Variants in LVRN observed in about 807,000 individuals in gnomAD.
LVRN encodes the protein aminopeptidase Q.
LVRN carries 99 observed loss-of-function variants against 111.4 expected under a neutral mutation model. That is an observed-to-expected ratio of 0.89 (90% CI 0.76 to 1.05). The LOEUF is 1.05. Among genes scored for constraint, LVRN ranks in the 50% least tolerant of loss-of-function variants. LVRN has a pLI of 0.00. For missense variants in LVRN, 1,414 were observed against 1,206.8 expected (o/e 1.17, Z -2.54); for synonymous variants, 488 against 449.5 (o/e 1.09, Z -1.08).
chr5:115,984,886 C>T (rs1217792474), intron 3 of LVRN, among the ~76,000 whole-genome samples, 177 bp downstream of exon 3: 1 of 152,226 alleles, frequency 6.6e-6, no homozygotes, highest in Non-Finnish European at 1.5e-5. Flanking sequence ...ACATTTCCTA[C>T]TGCCATTCTT....
chr5:116,026,202 G>GA lies in LVRN; in HGVS notation c.*88dup. 2 of 1,545,252 alleles carry GA rather than the reference G, an allele frequency of 1.3e-6. No individual in the cohort carries two copies. The highest frequency in any genetic ancestry group is 1.8e-6 in the Non-Finnish European group (2 of 1,132,910). On this transcript the variant is annotated 3_prime_UTR_variant, in exon 20 of 20. Coordinates refer to ENST00000357872, the MANE Select transcript of LVRN (RefSeq NM_173800.5). ...TGTCTTCCAATACTTTGTGAGTCTG[G>GA]AAAACCACACATTTTATTTGTATTT...
At chr5:116,025,949 A>G (rs956545549) in intron 19 of LVRN, 29 bp from the exon 20 acceptor site, 1 of 1,612,292 alleles carries the variant, frequency 6.2e-7, no homozygotes, top group Non-Finnish European at 8.5e-7. Context: ...GTTGGATTGC[A>G]CTGATCATCT....
intron 4 of LVRN, among the ~76,000 whole-genome samples, chr5:115,990,021 C>T (rs1272858464): frequency 6.6e-6 from 1 of 152,182 alleles, no homozygotes; most frequent in Non-Finnish European, 1.5e-5. Context: ...TGGTTTATTT[C>T]TCCTGTGTTG....
In LVRN at chr5:116,017,455, C is replaced by G. The variant is rs553115925; in HGVS notation, c.2756+1690C>G. Among the ~76,000 whole-genome samples, 403 of 152,290 alleles carry G rather than the reference C, an allele frequency of 2.6e-3. 1 individual carries two copies. The highest frequency in any genetic ancestry group is 9.3e-3 in the African/African-American group (386 of 41,564). On this transcript the variant is annotated intron_variant, in intron 18 of 19. Transcript: ENST00000357872. ...TCTAGAATCGGGGCATGGGGATAGA[C>G]TTAACTAGAGCAGTGTAGCAAAGTG...
intron 6 of LVRN, 110 bp downstream of exon 6, chr5:115,993,964 T>C (rs1748051804): frequency 1.8e-6 from 1 of 554,366 alleles, no homozygotes; most frequent in Non-Finnish European, 2.9e-6. Flanking sequence ...AATAATAAAT[T>C]ACCTATAATA....
intron 4 of LVRN, 90 bp from the exon 5 acceptor site, chr5:115,992,033 G>T: frequency 1.6e-6 from 2 of 1,281,608 alleles, no homozygotes; most frequent in South Asian, 1.5e-5. Context: ...GAATTTTTTG[G>T]TAATTTTATG....
rs559827738 is a variant in LVRN, at chr5:116,025,236, A to G, written c.2833-742A>G. On this transcript the variant is annotated intron_variant, in intron 19 of 19. Transcript: ENST00000357872. ...AAAACATTTCTTTTACATTGTAATT[A>G]GGCTTGATAGCACTATTACTGTGCA... Among the ~76,000 whole-genome samples the G allele has an allele frequency of 2.8e-4, 42 of 152,300 alleles. 1 individual carries two copies. In the Middle Eastern group the frequency reaches 0.01, roughly 37 times the overall value.
chr5:115,988,271 G>A (rs1307681836), intron 4 of LVRN, among the ~76,000 whole-genome samples: 3 of 151,828 alleles, frequency 2.0e-5, no homozygotes, highest in Non-Finnish European at 4.4e-5. Flanking sequence ...AGTCTGCAGT[G>A]CTGAGTCTGG....
rs949974303 is a variant in LVRN at position 115,962,786 on chromosome 5, G to A, written c.169G>A (p.Glu57Lys). ...GCCTGGACTCAGGGACTTGGAAGCCGAGTCTTCCCCTCCCCTCAGGCAGAA... is the reference window on the plus strand; with the variant it reads ...GCCTGGACTCAGGGACTTGGAAGCCAAGTCTTCCCCTCCCCTCAGGCAGAA... ...ELPGLRDLEA[E>K]SSPPLRQKPT... Residue 57 changes from glutamate (E) to lysine (K), a missense_variant, in exon 1 of 20, where the codon GAG becomes AAG. Transcript: ENST00000357872. The A allele has an allele frequency of 1.2e-6, 2 of 1,610,848 alleles. No individual in the cohort carries two copies. The highest frequency in any genetic ancestry group is 8.5e-7 in the Non-Finnish European group (1 of 1,178,456).
In LVRN at chr5:115,984,673, C is replaced by G; in HGVS notation, c.942C>G (p.Asp314Glu). Reference protein sequence around the residue: ...PTYLVAFVICDYDHVNRTERG... With the variant: ...PTYLVAFVICEYDHVNRTERG... ...ACTTAGTCGCATTTGTTATATGTGA[C>G]TATGACCACGTCAACAGAACAGAAA... Residue 314 changes from aspartate to glutamate, a missense_variant, in exon 3 of 20, where the codon GAC (aspartate) becomes GAG (glutamate). Asp to Glu is a conservative substitution (Grantham distance 45). Coordinates refer to ENST00000357872, the MANE Select transcript of LVRN (RefSeq NM_173800.5). 4 of 1,613,598 alleles carry G rather than the reference C, an allele frequency of 2.5e-6. No individual in the cohort carries two copies. Among genetic ancestry groups the G allele is most frequent in the Non-Finnish European group, 3.4e-6 (4 of 1,179,720 alleles).
In LVRN at chr5:115,963,135, G is replaced by A; in HGVS notation, c.518G>A (p.Arg173His). ...SPGTGNATVG[R>H]VPVDDVWFAL... ...GGCACTGGGAACGCCACAGTGGGCC[G>A]CGTGCCCGTGGACGACGTGTGGTTC... Residue 173 changes from arginine (R) to histidine (H), a missense_variant, in exon 1 of 20, where the codon CGC becomes CAC. Arg to His is a conservative substitution (Grantham distance 29). Coordinates refer to ENST00000357872, the MANE Select transcript of LVRN (RefSeq NM_173800.5). 1.9e-6 allele frequency: 3 copies of A among 1,613,380 alleles called. No homozygotes were observed. Among genetic ancestry groups the A allele is most frequent in the South Asian group, 2.2e-5 (2 of 91,062 alleles).
rs534226378 is a variant in LVRN, at chr5:115,968,790, A to G, written c.695+5478A>G. ...CTATGAAAGTAATTTTTCAGTAAGT[A>G]TTCCCAGGAAAAATCAGCTGGAGAA... is the stretch of plus-strand genomic sequence containing the variant. On this transcript the variant is annotated intron_variant, in intron 1 of 19. Coordinates refer to ENST00000357872, the MANE Select transcript of LVRN (RefSeq NM_173800.5). Among the ~76,000 whole-genome samples, 10 of 152,366 alleles carry G rather than the reference A, an allele frequency of 6.6e-5. No individual in the cohort carries two copies. The East Asian group carries it at 1.9e-3, about 29-fold the overall frequency.
At chr5:115,998,020 G>C (rs892703764) in intron 6 of LVRN, among the ~76,000 whole-genome samples, 5 of 152,188 alleles carry the variant, frequency 3.3e-5, no homozygotes, top group African/African-American at 7.2e-5. Context: ...GATAGGGTTA[G>C]GGGAGACTCA....
chr5:116,000,160 T>C (rs571996240), intron 7 of LVRN, among the ~76,000 whole-genome samples: 18 of 152,326 alleles, frequency 1.2e-4, no homozygotes, highest in African/African-American at 4.1e-4. Flanking sequence ...CCCTTTTGCT[T>C]GGTGGAAATT....
intron 13 of LVRN, among the ~76,000 whole-genome samples, chr5:116,009,309 A>G (rs1282552382): frequency 6.6e-6 from 1 of 152,246 alleles, no homozygotes; most frequent in East Asian, 1.9e-4. Context: ...TTGATGATGC[A>G]CTTGGTTACA....
chr5:116,000,853 G>A (rs1212119029), intron 9 of LVRN, among the ~76,000 whole-genome samples, 195 bp downstream of exon 9: 1 of 152,104 alleles, frequency 6.6e-6, no homozygotes, highest in East Asian at 1.9e-4. Context: ...GAATATGTTA[G>A]ATCAATAAAT....
rs1173895599 is a variant in LVRN, at chr5:116,026,304, A to G, written c.*186A>G. 2 of 761,716 alleles carry G rather than the reference A, an allele frequency of 2.6e-6. No individual in the cohort carries two copies. Among genetic ancestry groups the G allele is most frequent in the African/African-American group, 1.8e-5 (1 of 56,366 alleles). The allele number at this position is 761,716 out of a possible 1,614,324, so 47.2% of individuals were successfully genotyped here. A position where few individuals can be genotyped will look rare whatever the true frequency, so the allele number is the denominator to read the frequency against. ...CCCTGAGGGTGGGTGATTGCTGACA[A>G]TTTTGCCAATGCTGCTGTATTTCTG... On this transcript the variant is annotated 3_prime_UTR_variant, in exon 20 of 20. Coordinates refer to ENST00000357872, the MANE Select transcript of LVRN (RefSeq NM_173800.5).
chr5:116,016,730 A>T (rs1296842704), intron 18 of LVRN, among the ~76,000 whole-genome samples: 2 of 152,330 alleles, frequency 1.3e-5, no homozygotes, highest in East Asian at 3.9e-4. Flanking sequence ...TTCTAGGTAT[A>T]GTTCTTCCAA....
chr5:115,989,722 A>T (rs1309844689), intron 4 of LVRN, among the ~76,000 whole-genome samples: 1 of 152,136 alleles, frequency 6.6e-6, no homozygotes, highest in Non-Finnish European at 1.5e-5. Flanking sequence ...GATACATTTG[A>T]TACTTTCTTT....
Sources: allele counts gnomAD v4.1 joint callset (sites outside exome capture counted in the v4.1 genomes callset), GRCh38; gene constraint gnomAD v4.1.1; transcripts MANE v1.5; gene names NCBI Gene and HGNC (gene_info 2026-07-23, HGNC 2026-07-21).